Variants in FGF14 observed in about 807,000 individuals in gnomAD.
FGF14 encodes fibroblast growth factor homologous factor 4.
Under a neutral mutation model 25.5 loss-of-function variants are expected in FGF14, and 5 were observed. The ratio of observed to expected loss-of-function variants is 0.20; its 90% CI spans 0.10 to 0.41. The LOEUF is 0.41. Among genes scored for constraint, FGF14 ranks in the 10% least tolerant of loss-of-function variants. FGF14 has a pLI of 1.00. For synonymous variants in FGF14, 138 were observed against 118.3 expected (o/e 1.17, Z -1.08); for missense variants, 222 against 320.1 (o/e 0.69, Z 2.34).
At chr13:102,173,347 G>A (rs929302702) in intron 1 of FGF14, among the ~76,000 whole-genome samples, 2 of 152,080 alleles carry the variant, frequency 1.3e-5, no homozygotes, top group Admixed American at 6.6e-5. Context: ...GTGAGGACAC[G>A]GAGAAATTGG....
chr13:102,239,882 A>G lies in FGF14; in HGVS notation c.208+161589T>C, dbSNP rs530886589. ...GTTTAAGAAAATACACCTTTAACAA[A>G]TGTCACTGGAAGCAGAAAAATCATC... On this transcript the variant is annotated intron_variant, in intron 1 of 4. Transcript: ENST00000376131. Among the ~76,000 whole-genome samples the G allele has an allele frequency of 2.6e-5, 4 of 152,308 alleles. No homozygotes were observed. The South Asian group carries it at 6.2e-4, about 24-fold the overall frequency.
chr13:102,025,514 T>G (rs1205897337), intron 1 of FGF14, among the ~76,000 whole-genome samples: 1 of 152,036 alleles, frequency 6.6e-6, no homozygotes, highest in Non-Finnish European at 1.5e-5. Context: ...GTTCAAGTGA[T>G]TCTCATGCTT....
rs764259350 is a variant in FGF14, at chr13:102,246,753, T to TAA, written c.208+154717_208+154718insTT. Among the ~76,000 whole-genome samples the TAA allele has an allele frequency of 4.4e-5, 6 of 135,986 alleles. No individual in the cohort carries two copies. In the South Asian group the frequency reaches 1.1e-3, roughly 24 times the overall value. The allele number at this position is 135,986 out of a possible 152,430, so 89.2% of individuals were successfully genotyped here. ...ACTACTTTAAATTTTATATGGAACATATATATATATATATATATCCCAAAT... is the reference window on the plus strand; with the variant it reads ...ACTACTTTAAATTTTATATGGAACATAAATATATATATATATATATCCCAAAT... On this transcript the variant is annotated intron_variant, in intron 1 of 4. Transcript: ENST00000376131.
intron 1 of FGF14, among the ~76,000 whole-genome samples, chr13:102,060,767 C>A (rs1250589338): frequency 6.6e-6 from 1 of 152,174 alleles, no homozygotes; most frequent in Non-Finnish European, 1.5e-5. Context: ...CACCCTCGGG[C>A]CTGTGCCCAT....
At chr13:101,970,320 C>T (rs546395826) in intron 1 of FGF14, among the ~76,000 whole-genome samples, 1 of 152,318 alleles carries the variant, frequency 6.6e-6, no homozygotes, top group East Asian at 1.9e-4. Context: ...CCCTTATATG[C>T]AATACATTTT....
intron 1 of FGF14, among the ~76,000 whole-genome samples, chr13:102,349,967 G>C (rs1246142983): frequency 6.6e-6 from 1 of 152,200 alleles, no homozygotes; most frequent in African/African-American, 2.4e-5. Flanking sequence ...CGTGCACACT[G>C]AATTATGCTG....
intron 3 of FGF14, among the ~76,000 whole-genome samples, chr13:101,856,125 A>T (rs2140387757): frequency 6.6e-6 from 1 of 151,974 alleles, no homozygotes; most frequent in South Asian, 2.1e-4. Flanking sequence ...ATCTGTGGAA[A>T]AAATTTCTTA....
chr13:102,352,054 A>G (rs1370962908), intron 1 of FGF14, among the ~76,000 whole-genome samples: 1 of 152,160 alleles, frequency 6.6e-6, no homozygotes, highest in Non-Finnish European at 1.5e-5. Flanking sequence ...TCTGCAACCT[A>G]ACTACAAGCA....
chr13:101,788,965 G>GAGAGAGATAA (rs2040073837), intron 3 of FGF14, among the ~76,000 whole-genome samples: 1 of 80,606 alleles, frequency 1.2e-5, no homozygotes, highest in Non-Finnish European at 2.8e-5. Flanking sequence ...GAGAGAGAGA[G>GAGAGAGATAA]AGAGACAGAG....
In FGF14 at chr13:101,916,677, G is replaced by T. The variant is rs539054466; in HGVS notation, c.-32C>A. On this transcript the variant is annotated 5_prime_UTR_variant, in exon 1 of 5. Transcript: ENST00000376143. ...CCCGGGAACGGGTCCGGGGAGGGAGGGCGCGGGAGGACGGCGAGCCGGGGG... is the reference window on the plus strand; with the variant it reads ...CCCGGGAACGGGTCCGGGGAGGGAGTGCGCGGGAGGACGGCGAGCCGGGGG... The T allele has an allele frequency of 2.8e-5, 42 of 1,473,788 alleles. 1 individual carries two copies. The South Asian group carries it at 5.6e-4, about 19-fold the overall frequency. The allele number at this position is 1,473,788 out of a possible 1,614,324, so 91.3% of individuals were successfully genotyped here.
At chr13:102,354,924 C>A (rs960041260) in intron 1 of FGF14, among the ~76,000 whole-genome samples, 2 of 152,174 alleles carry the variant, frequency 1.3e-5, no homozygotes, top group Non-Finnish European at 2.9e-5. Flanking sequence ...TTTGTAAAAA[C>A]TTCCTTGACC....
intron 1 of FGF14, among the ~76,000 whole-genome samples, chr13:101,961,238 C>T (rs1484805411): frequency 5.9e-5 from 9 of 152,130 alleles, no homozygotes; most frequent in African/African-American, 1.9e-4. Flanking sequence ...TTGCTTTCAA[C>T]ATTTTCATCA....
chr13:101,932,649 T>C (rs1030902730), intron 1 of FGF14, among the ~76,000 whole-genome samples: 1 of 151,576 alleles, frequency 6.6e-6, no homozygotes, highest in Non-Finnish European at 1.5e-5. Context: ...AAGTAACTAC[T>C]GGCTGAGTTG....
intron 1 of FGF14, among the ~76,000 whole-genome samples, chr13:102,076,901 A>T (rs1326024934): frequency 6.6e-6 from 1 of 152,194 alleles, no homozygotes; most frequent in Admixed American, 6.5e-5. Context: ...TGATTAAAAC[A>T]GCAAAGTACT....
At chr13:101,735,779 C>A (rs1451992921) in intron 3 of FGF14, among the ~76,000 whole-genome samples, 1 of 151,926 alleles carries the variant, frequency 6.6e-6, no homozygotes, top group Non-Finnish European at 1.5e-5. Context: ...GCTCTAAGAT[C>A]AAACATGTTT....
At chr13:102,124,752 GCTTGTTCTTGAGCCTATTTACT>G (rs1439421289) in intron 1 of FGF14, among the ~76,000 whole-genome samples, 2 of 151,864 alleles carry the variant, frequency 1.3e-5, no homozygotes, top group Non-Finnish European at 2.9e-5. Flanking sequence ...AGCATCTCTG[GCTTGTTCTTGAGCCTATTTACT>G]CTTGTTTCAT....
chr13:101,989,140 T>C (rs1359842379), intron 1 of FGF14, among the ~76,000 whole-genome samples: 1 of 152,094 alleles, frequency 6.6e-6, no homozygotes, highest in Admixed American at 6.6e-5. Flanking sequence ...AGATATACTT[T>C]TCAAAACAGC....
At chr13:102,149,648 T>C (rs2046995754) in intron 1 of FGF14, among the ~76,000 whole-genome samples, 1 of 152,204 alleles carries the variant, frequency 6.6e-6, no homozygotes, top group South Asian at 2.1e-4. Context: ...GACTTTCCAC[T>C]TGACTGATTG....
intron 1 of FGF14, among the ~76,000 whole-genome samples, chr13:101,975,783 A>G (rs1484877854): frequency 6.6e-6 from 1 of 152,256 alleles, no homozygotes; most frequent in Admixed American, 6.5e-5. Context: ...TTAAAACCAG[A>G]ATTCTAGCAC....
Sources: allele counts gnomAD v4.1 joint callset (sites outside exome capture counted in the v4.1 genomes callset), GRCh38; gene constraint gnomAD v4.1.1; transcripts MANE v1.5; gene names NCBI Gene and HGNC (gene_info 2026-07-23, HGNC 2026-07-21).